RFX1: variants seen among roughly 807,000 people sequenced by gnomAD.
RFX1 encodes the protein MHC class II regulatory factor RFX1.
RFX1 carries 42 observed loss-of-function variants against 119.6 expected under a neutral mutation model. The observed-to-expected ratio is 0.35, with a 90% CI of 0.27 to 0.45. RFX1 has a LOEUF of 0.45. Ranked by LOEUF, RFX1 falls within the 20% of genes least tolerant of loss-of-function variation. The pLI is 1.00. For missense variants in RFX1, 1,118 were observed against 1,368.1 expected, an observed-to-expected ratio of 0.82 and a Z score of 2.88; for synonymous variants, 628 against 618.5, an observed-to-expected ratio of 1.02 and a Z score of -0.23.
chr19:13,983,270 G>A lies in RFX1; in HGVS notation c.430C>T (p.Arg144Trp). ...TGCACGCTCGTCTGGACCAGCAGCC[G>A]CTGTGGAGACAAGGCAGGAGGAGCT... ...VVQQVQGTQQ[R>W]LLVQTSVQAK... The change falls in exon 4 of 21, where the codon CGG becomes TGG. Residue 144 changes from arginine to tryptophan, a missense_variant and splice_region_variant. Around this residue, in one of 5 missense-constraint regions of RFX1, gnomAD observed 542 missense variants for 602.7 expected, o/e 0.90. Coordinates refer to ENST00000254325, the MANE Select transcript of RFX1 (RefSeq NM_002918.5). 7 of 1,552,444 alleles carry A rather than the reference G, an allele frequency of 4.5e-6. No homozygotes were observed. The highest frequency in any genetic ancestry group is 2.4e-5 in the East Asian group (1 of 41,850).
At chr19:13,999,165 T>C (rs1975130049) in intron 1 of RFX1, among the ~76,000 whole-genome samples, 1 of 152,178 alleles carries the variant, frequency 6.6e-6, no homozygotes, top group Non-Finnish European at 1.5e-5. Flanking sequence ...CACATATACA[T>C]ACATAGCATG....
At chr19:13,964,195 CCCCCAAAATT>C in intron 16 of RFX1, 188 bp from the exon 17 acceptor site, 1 of 578,852 alleles carries the variant, frequency 1.7e-6, no homozygotes, top group Non-Finnish European at 3.0e-6. Flanking sequence ...TCACAAGCGC[CCCCCAAAATT>C]CAATTTATTG....
intron 2 of RFX1, among the ~76,000 whole-genome samples, chr19:13,991,644 G>T (rs149716814): frequency 6.6e-6 from 1 of 152,236 alleles, no homozygotes; most frequent in African/African-American, 2.4e-5. Flanking sequence ...GTTCCACAAC[G>T]GGGCCAATTG....
chr19:13,963,301 C>A (rs749089174), intron 18 of RFX1, 26 bp from the exon 19 acceptor site: 7 of 1,590,542 alleles, frequency 4.4e-6, no homozygotes, highest in Non-Finnish European at 6.0e-6. Context: ...GAGAGGAGAC[C>A]GTCAGGCCCC....
rs543271703 is a variant in RFX1, at chr19:13,963,809, C to A, written c.2361+49G>T. 2.3e-5 allele frequency: 34 copies of A among 1,495,180 alleles called. No individual in the cohort carries two copies. In the East Asian group the frequency reaches 8.7e-4, roughly 38 times the overall value. The allele number at this position is 1,495,180 out of a possible 1,614,324, so 92.6% of individuals were successfully genotyped here. ...CCGCCGTCACCCCCGCCTGGCCCGC[C>A]CCGTTAGGCTGCCCCTCATTCGCCC... On this transcript the variant is annotated intron_variant, in intron 17 of 20. Transcript: ENST00000254325.
chr19:13,963,061 A>G, intron 19 of RFX1, 22 bp from the exon 20 acceptor site: 4 of 1,586,762 alleles, frequency 2.5e-6, no homozygotes, highest in African/African-American at 1.3e-5. Context: ...AGAGAAGAAA[A>G]TGGGTGAGGG....
chr19:13,980,303 G>C lies in RFX1; in HGVS notation c.738+270C>G, dbSNP rs1164046429. On this transcript the variant is annotated intron_variant, in intron 6 of 20. Transcript: ENST00000254325. This position sits in a 1 kb window ranked among gnomAD's most constrained non-coding sequence, Gnocchi z 5.1. Reference sequence around the variant, plus strand: ...CAAATGGGCCCAAAGAGGCTCAGGTGGCTTCTCCAAGCGGTTCCCATGGCC... The same window carrying C: ...CAAATGGGCCCAAAGAGGCTCAGGTCGCTTCTCCAAGCGGTTCCCATGGCC... Among the ~76,000 whole-genome samples, 1 of 152,174 alleles carries C rather than the reference G, an allele frequency of 6.6e-6. No homozygotes were observed. The highest frequency in any genetic ancestry group is 2.4e-5 in the African/African-American group (1 of 41,434).
At chr19:13,964,123 T>A in intron 16 of RFX1, 116 bp from the exon 17 acceptor site, 1 of 1,132,210 alleles carries the variant, frequency 8.8e-7, no homozygotes, top group Non-Finnish European at 1.2e-6. Context: ...AAAGGAGGGA[T>A]GTGCCTCGCT....
At chr19:13,979,991 CG>C (rs1037043209) in intron 6 of RFX1, among the ~76,000 whole-genome samples, 1 of 151,544 alleles carries the variant, frequency 6.6e-6, no homozygotes, top group Non-Finnish European at 1.5e-5. Flanking sequence ...TCTGGAGGTT[CG>C]GGGGGGCTCT....
chr19:13,963,382 G>T (rs1973780948), intron 18 of RFX1, 107 bp from the exon 19 acceptor site: 3 of 1,457,466 alleles, frequency 2.1e-6, no homozygotes, highest in East Asian at 2.5e-5. Flanking sequence ...AGTGACTCAG[G>T]CTGGATCCCG....
At position 13,983,233 on chromosome 19, in the gene RFX1, C is replaced by T. The variant is rs935801419; in HGVS notation, c.467G>A (p.Gly156Asp). 1.9e-6 allele frequency: 3 copies of T among 1,576,346 alleles called. No homozygotes were observed. The highest frequency in any genetic ancestry group is 1.3e-5 in the African/African-American group (1 of 74,390). ...LVQTSVQAKP[G>D]HVSPLQLTNI... ...GGTCAGCTGGAGGGGCGACACGTGGCCTGGCTTGGCCTGCACGCTCGTCTG... is the reference window on the plus strand; with the variant it reads ...GGTCAGCTGGAGGGGCGACACGTGGTCTGGCTTGGCCTGCACGCTCGTCTG... Residue 156 changes from glycine to aspartate, a missense_variant, in exon 4 of 21, where the codon GGC becomes GAC. Physicochemically the swap from Gly to Asp is moderately conservative, Grantham distance 94 (BLOSUM62 -1). Coordinates refer to ENST00000254325, the MANE Select transcript of RFX1 (RefSeq NM_002918.5).
Position 13,965,330 on chromosome 19 carries a change from C to T in RFX1, c.2211+119G>A. ...CCCGAGGCGGAGAAGGTCTCCCCTT[C>T]CTCCACAGGCATCATCCCTGGAACA... On this transcript the variant is annotated intron_variant, in intron 16 of 20. Transcript: ENST00000254325. This position sits in a 1 kb window ranked among gnomAD's most constrained non-coding sequence, Gnocchi z 4.7. 1.1e-6 allele frequency: 1 copy of T among 876,026 alleles called. No individual in the cohort carries two copies. Among genetic ancestry groups the T allele is most frequent in the Non-Finnish European group, 1.8e-6 (1 of 547,562 alleles). 54.3% of individuals were successfully genotyped at this position (876,026 alleles called of 1,614,324 possible). A position where few individuals can be genotyped will look rare whatever the true frequency, so the allele number is the denominator to read the frequency against.
chr19:13,997,732 C>T (rs1003311985), intron 1 of RFX1, among the ~76,000 whole-genome samples: 5 of 152,180 alleles, frequency 3.3e-5, no homozygotes, highest in Non-Finnish European at 5.9e-5. Flanking sequence ...CTGGGGCCAC[C>T]CTCCCTGCCA....
In RFX1 at chr19:13,990,895, A is replaced by G. The variant is rs1008624109; in HGVS notation, c.319+2630T>C. 2.0e-5 allele frequency among the ~76,000 whole-genome samples: 3 copies of G among 152,006 alleles called. No individual in the cohort carries two copies. Among genetic ancestry groups the G allele is most frequent in the African/African-American group, 7.2e-5 (3 of 41,390 alleles). The stretch of plus-strand genomic sequence containing the variant: ...CTACTTGGGAGGCTGTGAGAGTATC[A>G]CTGAGCCCAGGAGTTGGAGGTTACA... On this transcript the variant is annotated intron_variant, in intron 2 of 20. Coordinates refer to ENST00000254325, the MANE Select transcript of RFX1 (RefSeq NM_002918.5). The surrounding 1 kb of genome is among the most constrained non-coding windows in gnomAD (Gnocchi z 4.1).
At chr19:13,995,209 C>G (rs1280140920) in intron 1 of RFX1, among the ~76,000 whole-genome samples, 1 of 151,848 alleles carries the variant, frequency 6.6e-6, no homozygotes, top group African/African-American at 2.4e-5. Context: ...CATTTGAACT[C>G]TGGGTGTTCT....
chr19:13,974,116 G>A (rs549150998), intron 8 of RFX1, among the ~76,000 whole-genome samples: 1 of 152,262 alleles, frequency 6.6e-6, no homozygotes, highest in East Asian at 1.9e-4. Flanking sequence ...CCCCGGAACC[G>A]TCTAGTTGGG....
rs768161737 is a variant in RFX1 at position 13,968,722 on chromosome 19, C to A, written c.1617-42G>T. The stretch of plus-strand genomic sequence containing the variant: ...AGGTGGGCCGGCTGCTGGGGGCCGG[C>A]CTGTGTGCCCTTCCCCGCCTGCCCT... On this transcript the variant is annotated intron_variant, in intron 11 of 20. Transcript: ENST00000254325. The surrounding 1 kb of genome is among the most constrained non-coding windows in gnomAD (Gnocchi z 5.5). The A allele has an allele frequency of 1.1e-5, 17 of 1,609,330 alleles. No individual in the cohort carries two copies. Among genetic ancestry groups the A allele is most frequent in the South Asian group, 1.1e-5 (1 of 90,886 alleles).
intron 8 of RFX1, among the ~76,000 whole-genome samples, 196 bp from the exon 9 acceptor site, chr19:13,973,323 AATC>A (rs1974151433): frequency 6.6e-6 from 1 of 152,116 alleles, no homozygotes; most frequent in Non-Finnish European, 1.5e-5. Context: ...TATTTCATAT[AATC>A]ATCAGCTGGG....
At position 13,993,395 on chromosome 19, in the gene RFX1, C is replaced by T. The variant is rs1974870278; in HGVS notation, c.319+130G>A. On this transcript the variant is annotated intron_variant, in intron 2 of 20. Transcript: ENST00000254325. ...TCCTTGCATGGCTTAAGCACCCCTG[C>T]CCTAGTGATACCCCAAGTCCCATCC... is the stretch of plus-strand genomic sequence containing the variant. 3.6e-6 allele frequency: 3 copies of T among 825,320 alleles called. No homozygotes were observed. The Admixed American group carries it at 9.1e-5, about 25-fold the overall frequency. 51.1% of individuals were successfully genotyped at this position (825,320 alleles called of 1,614,324 possible).
Sources: gnomAD v4.1 joint callset for allele counts (sites outside exome capture counted in the v4.1 genomes callset) on GRCh38, gnomAD v4.1.1 for gene constraint, gnomAD v4.1.1 regional missense constraint, Gnocchi (gnomAD v3.1) non-coding constraint, MANE v1.5 for transcripts, NCBI Gene and HGNC (gene_info 2026-07-23, HGNC 2026-07-21) for gene names.